NOP58: variants seen among roughly 807,000 people sequenced by gnomAD.
NOP58 encodes NOP58 ribonucleoprotein.
NOP58 carries 44 observed loss-of-function variants against 71.2 expected under a neutral mutation model. The observed-to-expected ratio is 0.62, with a 90% CI of 0.49 to 0.79. The LOEUF is 0.79. NOP58 is among the 30% of genes least tolerant of loss of function. The pLI, the probability that NOP58 is intolerant of heterozygous loss-of-function variation, is 0.00. For synonymous variants in NOP58, 228 were observed against 200.3 expected, an observed-to-expected ratio of 1.14 and a Z score of -1.17; for missense variants, 538 against 620.2, an observed-to-expected ratio of 0.87 and a Z score of 1.41.
At position 202,280,070 on chromosome 2, in the gene NOP58, A is replaced by G. The variant is rs367637512; in HGVS notation, c.175+2068A>G. Among the ~76,000 whole-genome samples the G allele has an allele frequency of 2.9e-3, 440 of 152,346 alleles. 11 individuals are homozygous for G. The South Asian group carries it at 0.036, about 13-fold the overall frequency. On this transcript the variant is annotated intron_variant, in intron 3 of 14. Coordinates refer to ENST00000264279, the MANE Select transcript of NOP58 (RefSeq NM_015934.5). The stretch of plus-strand genomic sequence containing the variant: ...GTTTTCACCAGAAAGTTAAATGAAC[A>G]TCAGCTAATTAAGAAAGCAGAATCC...
chr2:202,270,859 G>A (rs1308016569), intron 1 of NOP58, among the ~76,000 whole-genome samples: 1 of 152,120 alleles, frequency 6.6e-6, no homozygotes, highest in Non-Finnish European at 1.5e-5. Flanking sequence ...GAAGGCTGGG[G>A]TGGGCAGATC....
intron 3 of NOP58, among the ~76,000 whole-genome samples, chr2:202,278,751 A>G (rs1383104044): frequency 6.6e-6 from 1 of 152,210 alleles, no homozygotes; most frequent in Non-Finnish European, 1.5e-5. Context: ...AAAATGAAGG[A>G]CCGTGAGGAA....
Position 202,302,911 on chromosome 2 carries a change from C to A in NOP58, c.1403-10C>A. The A allele has an allele frequency of 6.2e-7, 1 of 1,600,154 alleles. No homozygotes were observed. The highest frequency in any genetic ancestry group is 8.5e-7 in the Non-Finnish European group (1 of 1,178,686). On this transcript the variant is annotated splice_polypyrimidine_tract_variant and intron_variant, in intron 13 of 14. Transcript: ENST00000264279. ...TTAATTTGTTGTGCCTTTACACTTA[C>A]CCTATTCAGTTGAAGAAGAGGAAGA...
At chr2:202,302,224 A>G (rs539671324) in intron 13 of NOP58, among the ~76,000 whole-genome samples, 31 of 150,944 alleles carry the variant, frequency 2.1e-4, no homozygotes, top group African/African-American at 6.6e-4. Flanking sequence ...AATAACTGGG[A>G]TTACAGGCAT....
At chr2:202,273,153 C>T (rs1293804629) in intron 1 of NOP58, among the ~76,000 whole-genome samples, 1 of 152,118 alleles carries the variant, frequency 6.6e-6, no homozygotes, top group Non-Finnish European at 1.5e-5. Flanking sequence ...TTAAAAAATA[C>T]TATCACCATT....
At position 202,287,784 on chromosome 2, in the gene NOP58, G is replaced by A; in HGVS notation, c.499+60G>A. The A allele has an allele frequency of 2.5e-6, 3 of 1,200,522 alleles. No homozygotes were observed. In the Admixed American group the frequency reaches 5.1e-5, roughly 21 times the overall value. The allele number at this position is 1,200,522 out of a possible 1,614,324, so 74.4% of individuals were successfully genotyped here. ...TCTGTCCTTCATGCGTTTTCATACT[G>A]TTGAAACTATCTTTTATGATTCTGT... On this transcript the variant is annotated intron_variant, in intron 6 of 14. Coordinates refer to ENST00000264279, the MANE Select transcript of NOP58 (RefSeq NM_015934.5).
rs10184386 is a variant in NOP58, at chr2:202,273,272, A to G, written c.46-1841A>G. Among the ~76,000 whole-genome samples, 1,149 of 152,334 alleles carry G rather than the reference A, an allele frequency of 7.5e-3. 12 individuals carry two copies. The highest frequency in any genetic ancestry group is 0.026 in the African/African-American group (1,069 of 41,568). On this transcript the variant is annotated intron_variant, in intron 1 of 14. Coordinates refer to ENST00000264279, the MANE Select transcript of NOP58 (RefSeq NM_015934.5). ...TATGTCAGCCAAAACCATTACTATG[A>G]CAAATAAAACCATTGTGTTCCCAAC...
At position 202,265,900 on chromosome 2, in the gene NOP58, C is replaced by T. The variant is rs748170963; in HGVS notation, c.-42C>T. On this transcript the variant is annotated 5_prime_UTR_variant, in exon 1 of 15. Coordinates refer to ENST00000264279, the MANE Select transcript of NOP58 (RefSeq NM_015934.5). ...AGTCGGTGTTTTTGAACTGACTCTA[C>T]AGCTTCTGGCAGGCCGTGCGGCGCC... 6 of 1,613,694 alleles carry T rather than the reference C, an allele frequency of 3.7e-6. No homozygotes were observed. Among genetic ancestry groups the T allele is most frequent in the Non-Finnish European group, 5.1e-6 (6 of 1,179,666 alleles).
chr2:202,271,378 C>T (rs1688508609), intron 1 of NOP58, among the ~76,000 whole-genome samples: 2 of 147,026 alleles, frequency 1.4e-5, no homozygotes, highest in Admixed American at 1.4e-4. Flanking sequence ...CAACAGGGTG[C>T]AACCCCGACT....
chr2:202,300,696 G>A (rs763655910), intron 13 of NOP58, among the ~76,000 whole-genome samples: 3 of 152,188 alleles, frequency 2.0e-5, no homozygotes, highest in African/African-American at 4.8e-5. Context: ...TTGTTTTATA[G>A]TTAAGAATGA....
At chr2:202,271,740 A>G (rs1183440520) in intron 1 of NOP58, among the ~76,000 whole-genome samples, 1 of 152,082 alleles carries the variant, frequency 6.6e-6, no homozygotes, top group African/African-American at 2.4e-5. Flanking sequence ...TCCAGAAGTT[A>G]GAGATCAGCC....
At chr2:202,267,295 G>C (rs1688433942) in intron 1 of NOP58, among the ~76,000 whole-genome samples, 1 of 152,142 alleles carries the variant, frequency 6.6e-6, no homozygotes, top group Admixed American at 6.6e-5. Flanking sequence ...ACCATTTGTG[G>C]TGTGGATGCA....
At chr2:202,284,285 T>C (rs148102180) in intron 4 of NOP58, 60 bp from the exon 5 acceptor site, 135 of 1,384,754 alleles carry the variant, frequency 9.7e-5, no homozygotes, top group Non-Finnish European at 1.2e-4. Flanking sequence ...AAAATAATAA[T>C]AACAACTTCA....
At chr2:202,272,149 A>ATTTTTTT (rs570916461) in intron 1 of NOP58, among the ~76,000 whole-genome samples, 2 of 111,164 alleles carry the variant, frequency 1.8e-5, no homozygotes, top group Non-Finnish European at 3.4e-5. Context: ...CTGATGTATA[A>ATTTTTTT]TTTTTTTTTT....
intron 13 of NOP58, 35 bp downstream of exon 13, chr2:202,300,402 C>T: frequency 6.5e-7 from 1 of 1,532,570 alleles, no homozygotes; most frequent in Non-Finnish European, 8.8e-7. Flanking sequence ...ACAACTTATA[C>T]TCACTTCTTT....
At chr2:202,292,050 G>A (rs1370566039) in intron 8 of NOP58, among the ~76,000 whole-genome samples, 7 of 123,360 alleles carry the variant, frequency 5.7e-5, no homozygotes, top group Non-Finnish European at 9.5e-5. Flanking sequence ...GCAGTGGCAC[G>A]TTCTCAGGCT....
Position 202,295,773 on chromosome 2 carries a change from C to T in NOP58, c.1007C>T (p.Pro336Leu). The T allele has an allele frequency of 6.2e-7, 1 of 1,611,288 alleles. No individual in the cohort carries two copies. Among genetic ancestry groups the T allele is most frequent in the Non-Finnish European group, 8.5e-7 (1 of 1,179,048 alleles). The change falls in exon 10 of 15, where the codon CCT (proline) becomes CTT (leucine). Residue 336 changes from proline to leucine, a missense_variant. Coordinates refer to ENST00000264279, the MANE Select transcript of NOP58 (RefSeq NM_015934.5). ...FRALKSRRDT[P>L]KYGLIYHASL... ...GCCCTCAAATCTAGACGGGATACCC[C>T]TAAGTATGGTCTCATTTATCATGCT...
intron 3 of NOP58, 103 bp downstream of exon 3, chr2:202,278,105 TTA>T (rs1688637303): frequency 1.3e-6 from 1 of 789,900 alleles, no homozygotes; most frequent in Admixed American, 1.7e-5. Context: ...TGTGTTAACC[TTA>T]TTCAATGTTG....
intron 2 of NOP58, among the ~76,000 whole-genome samples, chr2:202,277,131 CAAA>C (rs1295286985): frequency 6.6e-6 from 1 of 152,014 alleles, no homozygotes; most frequent in African/African-American, 2.4e-5. Flanking sequence ...ACGAAAAATA[CAAA>C]AAATTAGCCA....
Sources: gnomAD v4.1 joint callset for allele counts (sites outside exome capture counted in the v4.1 genomes callset) on GRCh38, gnomAD v4.1.1 for gene constraint, MANE v1.5 for transcripts, NCBI Gene and HGNC (gene_info 2026-07-23, HGNC 2026-07-21) for gene names.